TMEM232: variants seen among roughly 807,000 people sequenced by gnomAD.
The protein encoded by TMEM232 is transmembrane protein 232.
TMEM232 carries 80 observed loss-of-function variants against 78.8 expected under a neutral mutation model. The observed-to-expected ratio is 1.01, with a 90% CI of 0.85 to 1.22. The LOEUF (loss-of-function observed/expected upper bound fraction) is 1.22. Among genes scored for constraint, TMEM232 ranks in the 50% most tolerant of loss-of-function variants. TMEM232 has a pLI of 0.00. For missense variants in TMEM232, 881 were observed against 742.2 expected, an observed-to-expected ratio of 1.19 and a Z score of -2.17; for synonymous variants, 297 against 254.3, an observed-to-expected ratio of 1.17 and a Z score of -1.60.
chr5:110,546,255 T>C (rs1244455002), intron 11 of TMEM232, among the ~76,000 whole-genome samples: 1 of 152,078 alleles, frequency 6.6e-6, no homozygotes, highest in Non-Finnish European at 1.5e-5. Context: ...AAGTCGATAA[T>C]GTAGAGAGTA....
At chr5:110,656,297 C>T (rs926600249) in intron 2 of TMEM232, among the ~76,000 whole-genome samples, 2 of 152,118 alleles carry the variant, frequency 1.3e-5, no homozygotes, top group Non-Finnish European at 2.9e-5. Context: ...CTATATCTGC[C>T]AAGCTGGCCA....
At chr5:110,630,039 T>C (rs1264759936) in intron 5 of TMEM232, among the ~76,000 whole-genome samples, 2 of 152,144 alleles carry the variant, frequency 1.3e-5, no homozygotes, top group African/African-American at 2.4e-5. Flanking sequence ...TAAAGCATTC[T>C]GTCAAAAAGA....
Position 110,474,927 on chromosome 5 carries a change from T to G in TMEM232, c.1704-50011A>C, listed in dbSNP as rs902081072. Among the ~76,000 whole-genome samples the G allele has an allele frequency of 7.2e-5, 11 of 152,122 alleles. No homozygotes were observed. The East Asian group carries it at 1.9e-3, about 27-fold the overall frequency. On this transcript the variant is annotated intron_variant, in intron 12 of 13. Coordinates refer to ENST00000455884, the MANE Select transcript of TMEM232 (RefSeq NM_001039763.4). ...TGATCATAGACCAAAAGATACATAT[T>G]TTTCAATATAGTATTGAAACAATTT...
intron 2 of TMEM232, among the ~76,000 whole-genome samples, chr5:110,404,320 CTCTATT>C (rs1355648875): frequency 7.9e-5 from 12 of 152,052 alleles, no homozygotes. Flanking sequence ...TTATCCTCAT[CTCTATT>C]TCTGTTTCCT....
At chr5:110,495,218 C>T (rs1765520432) in intron 12 of TMEM232, among the ~76,000 whole-genome samples, 1 of 151,676 alleles carries the variant, frequency 6.6e-6, no homozygotes, top group African/African-American at 2.4e-5. Flanking sequence ...TAAAGTAGCT[C>T]CGCCTTATCT....
At chr5:110,649,151 A>G (rs1392516362) in intron 2 of TMEM232, among the ~76,000 whole-genome samples, 1 of 152,154 alleles carries the variant, frequency 6.6e-6, no homozygotes, top group Non-Finnish European at 1.5e-5. Context: ...AGACGATCTT[A>G]CAAACATATA....
chr5:110,513,872 TA>T (rs543313578), intron 12 of TMEM232: 2 of 169,966 alleles, frequency 1.2e-5, no homozygotes, highest in Non-Finnish European at 2.9e-5. Context: ...TGCAATTACT[TA>T]AAAAAACTGC....
intron 3 of TMEM232, among the ~76,000 whole-genome samples, chr5:110,396,258 A>C (rs1008600302): frequency 1.6e-4 from 25 of 152,240 alleles, no homozygotes; most frequent in African/African-American, 5.5e-4. Context: ...AAACCACCCT[A>C]ATCACCCAAT....
chr5:110,526,389 T>G (rs75711425), intron 12 of TMEM232, among the ~76,000 whole-genome samples: 3,124 of 150,916 alleles, frequency 0.021, 78 homozygotes, highest in African/African-American at 0.058. Flanking sequence ...CAGTAAAAAA[T>G]GGGCAAAAAA....
At chr5:110,648,615 C>G (rs1427484826) in intron 2 of TMEM232, among the ~76,000 whole-genome samples, 1 of 151,924 alleles carries the variant, frequency 6.6e-6, no homozygotes, top group Non-Finnish European at 1.5e-5. Flanking sequence ...TAATTCCATT[C>G]CCCTAAAAAA....
chr5:110,631,378 C>T lies in TMEM232; in HGVS notation c.502-3498G>A, dbSNP rs1306751693. On this transcript the variant is annotated intron_variant, in intron 5 of 13. Transcript: ENST00000455884. ...AGCAGAGAGAGAGATCCCATTCACA[C>T]CCCCGACCCAACACTGCAGCAGCAA... Among the ~76,000 whole-genome samples the T allele has an allele frequency of 3.3e-5, 5 of 152,136 alleles. No individual in the cohort carries two copies. The East Asian group carries it at 5.8e-4, about 18-fold the overall frequency.
intron 12 of TMEM232, chr5:110,429,765 G>A (rs1252528467): frequency 1.3e-5 from 2 of 151,674 alleles, no homozygotes; most frequent in East Asian, 3.9e-4. Flanking sequence ...AGACTCACTG[G>A]TTGGTATGGC....
At chr5:110,438,537 C>A (rs755712359) in intron 12 of TMEM232, among the ~76,000 whole-genome samples, 1 of 151,924 alleles carries the variant, frequency 6.6e-6, no homozygotes, top group Non-Finnish European at 1.5e-5. Flanking sequence ...CTATAAGGTT[C>A]TTTTATTTTC....
At chr5:110,465,436 G>T (rs1373308652) in intron 12 of TMEM232, among the ~76,000 whole-genome samples, 1 of 152,166 alleles carries the variant, frequency 6.6e-6, no homozygotes, top group African/African-American at 2.4e-5. Flanking sequence ...CTGAACTCAG[G>T]CTGCATAATA....
At chr5:110,644,100 G>T (rs191793626) in intron 2 of TMEM232, among the ~76,000 whole-genome samples, 1 of 152,018 alleles carries the variant, frequency 6.6e-6, no homozygotes, top group African/African-American at 2.4e-5. Flanking sequence ...AAGAGTTGAG[G>T]TGTTACAACA....
At chr5:110,679,172 A>G (rs1373873470) in intron 1 of TMEM232, among the ~76,000 whole-genome samples, 1 of 152,180 alleles carries the variant, frequency 6.6e-6, no homozygotes, top group Non-Finnish European at 1.5e-5. Context: ...CTGTTGTTCC[A>G]TGTCCTTGCC....
intron 1 of TMEM232, among the ~76,000 whole-genome samples, chr5:110,671,145 A>G (rs544908840): frequency 2.0e-5 from 3 of 152,302 alleles, no homozygotes; most frequent in South Asian, 4.1e-4. Context: ...AACATATGAT[A>G]AAAAGCTCAT....
At chr5:110,621,009 C>T (rs1325306989) in intron 7 of TMEM232, among the ~76,000 whole-genome samples, 1 of 151,162 alleles carries the variant, frequency 6.6e-6, no homozygotes, top group Admixed American at 6.6e-5. Flanking sequence ...ATTACAGGTG[C>T]CTGCCACCAC....
chr5:110,677,367 G>A (rs1034966726), intron 1 of TMEM232, among the ~76,000 whole-genome samples: 3 of 151,952 alleles, frequency 2.0e-5, no homozygotes, highest in Admixed American at 2.0e-4. Flanking sequence ...GAGACACCAA[G>A]CAGAGAACCC....
Sources: allele counts gnomAD v4.1 joint callset (sites outside exome capture counted in the v4.1 genomes callset), GRCh38; gene constraint gnomAD v4.1.1; transcripts MANE v1.5; gene names NCBI Gene and HGNC (gene_info 2026-07-23, HGNC 2026-07-21).